Variants in PITPNM3 observed in about 807,000 individuals in gnomAD.
PITPNM3 encodes PITPNM family member 3.
Under a neutral mutation model 102.0 loss-of-function variants are expected in PITPNM3, and 26 were observed. That is an observed-to-expected ratio of 0.25 (90% CI 0.19 to 0.35). The LOEUF (loss-of-function observed/expected upper bound fraction) is 0.35, where lower values mean the gene tolerates loss of function less well. PITPNM3 is among the 10% of genes least tolerant of loss of function. PITPNM3 has a pLI of 1.00. For synonymous variants in PITPNM3, 578 were observed against 558.6 expected (o/e 1.03, Z -0.49); for missense variants, 1,083 against 1,346.1 (o/e 0.80, Z 3.06).
chr17:6,500,368 A>AT (rs1278898392), intron 4 of PITPNM3, among the ~76,000 whole-genome samples: 2 of 152,178 alleles, frequency 1.3e-5, no homozygotes, highest in Non-Finnish European at 2.9e-5. Flanking sequence ...CAGGTCACAG[A>AT]TTTTTTCTTC....
At position 6,477,955 on chromosome 17, in the gene PITPNM3, G is replaced by A; in HGVS notation, c.900+20C>T. ...CTCCTATGGGCATACCCCTCCCGCG[G>A]TCCTGTCCCCCGGCTGTACCTGGGT... On this transcript the variant is annotated intron_variant, in intron 8 of 19. Transcript: ENST00000262483. 6.2e-7 allele frequency: 1 copy of A among 1,610,698 alleles called. No individual in the cohort carries two copies. Among genetic ancestry groups the A allele is most frequent in the Non-Finnish European group, 8.5e-7 (1 of 1,179,958 alleles).
At chr17:6,512,035 G>C (rs1474725091) in intron 3 of PITPNM3, among the ~76,000 whole-genome samples, 1 of 152,168 alleles carries the variant, frequency 6.6e-6, no homozygotes, top group Non-Finnish European at 1.5e-5. Context: ...GAAAGCTCTT[G>C]TGATCGATTG....
rs898163860 is a variant in PITPNM3, at chr17:6,516,600, TGAA to T, written c.226+8753_226+8755del. On this transcript the variant is annotated intron_variant, in intron 3 of 19. Coordinates refer to ENST00000262483, the MANE Select transcript of PITPNM3 (RefSeq NM_031220.4). ...AAAAACAAAGAAAGAAAGAAATACT[TGAA>T]GAAATCATGAAAAGAAGGCTTCACA... Among the ~76,000 whole-genome samples, 169 of 149,360 alleles carry T rather than the reference TGAA, an allele frequency of 1.1e-3. 1 individual carries two copies. The highest frequency in any genetic ancestry group is 1.9e-3 in the Non-Finnish European group (130 of 67,536).
At chr17:6,552,607 G>T (rs1910371561) in intron 1 of PITPNM3, among the ~76,000 whole-genome samples, 1 of 152,042 alleles carries the variant, frequency 6.6e-6, no homozygotes, top group Admixed American at 6.6e-5. Context: ...CTCCAGCCAG[G>T]TTTCTTTACT....
At chr17:6,503,649 T>C (rs1907320559) in intron 3 of PITPNM3, 75 bp from the exon 4 acceptor site, 8 of 1,483,480 alleles carry the variant, frequency 5.4e-6, no homozygotes, top group Non-Finnish European at 7.4e-6. Flanking sequence ...GGGAGGCTGC[T>C]TGGAGCTGCC....
At chr17:6,500,314 C>T (rs543868245) in intron 4 of PITPNM3, among the ~76,000 whole-genome samples, 64 of 152,306 alleles carry the variant, frequency 4.2e-4, no homozygotes, top group African/African-American at 1.4e-3. Flanking sequence ...TGTGGAAAAG[C>T]GCCATTATAA....
chr17:6,489,795 G>A (rs1254331197), intron 4 of PITPNM3, among the ~76,000 whole-genome samples: 2 of 152,168 alleles, frequency 1.3e-5, no homozygotes, highest in African/African-American at 4.8e-5. Context: ...CACGAGGTCA[G>A]GAGTTCGAGA....
chr17:6,525,222 T>C lies in PITPNM3; in HGVS notation c.226+134A>G, dbSNP rs1450019203. On this transcript the variant is annotated intron_variant, in intron 3 of 19. Coordinates refer to ENST00000262483, the MANE Select transcript of PITPNM3 (RefSeq NM_031220.4). Reference sequence around the variant, plus strand: ...TCCTGTAAGTGGCAAAATTCAGGGATGCTATGAAGGAGGAACCAAGGCAGA... The same window carrying C: ...TCCTGTAAGTGGCAAAATTCAGGGACGCTATGAAGGAGGAACCAAGGCAGA... The C allele has an allele frequency of 3.7e-6, 3 of 808,152 alleles. No individual in the cohort carries two copies. The East Asian group carries it at 7.5e-5, about 20-fold the overall frequency. The allele number at this position is 808,152 out of a possible 1,614,324, so 50.1% of individuals were successfully genotyped here.
chr17:6,543,979 G>A (rs904143500), intron 1 of PITPNM3, among the ~76,000 whole-genome samples: 2 of 152,184 alleles, frequency 1.3e-5, no homozygotes, highest in African/African-American at 2.4e-5. Flanking sequence ...AAGGAGCATC[G>A]GGGCAAAGGA....
At chr17:6,504,744 G>A (rs1284227695) in intron 3 of PITPNM3, among the ~76,000 whole-genome samples, 3 of 152,204 alleles carry the variant, frequency 2.0e-5, no homozygotes, top group East Asian at 3.8e-4. Flanking sequence ...GGATTCAAAT[G>A]CCAGCTTCTT....
In PITPNM3 at chr17:6,452,324, GAT is replaced by G. The variant is rs1440359185; in HGVS notation, c.*3012_*3013del. 1 of 152,220 alleles carries G rather than the reference GAT, an allele frequency of 6.6e-6. No homozygotes were observed. Among genetic ancestry groups the G allele is most frequent in the Non-Finnish European group, 1.5e-5 (1 of 68,048 alleles). 9.4% of individuals were successfully genotyped at this position (152,220 alleles called of 1,614,324 possible). A position where few individuals can be genotyped will look rare whatever the true frequency, so the allele number is the denominator to read the frequency against. The stretch of plus-strand genomic sequence containing the variant: ...CACCCTGAACCCCAACAGGGCAAAT[GAT>G]AAAGGAAGGTGGCAGGCAGGCCCTC... On this transcript the variant is annotated 3_prime_UTR_variant, in exon 20 of 20. Transcript: ENST00000262483.
chr17:6,506,448 T>C (rs1336983934), intron 3 of PITPNM3, among the ~76,000 whole-genome samples: 1 of 151,798 alleles, frequency 6.6e-6, no homozygotes, highest in Non-Finnish European at 1.5e-5. Flanking sequence ...TTCGGCTCAC[T>C]GTAACCTCCG....
rs557830393 is a variant in PITPNM3, at chr17:6,516,887, A to G, written c.226+8469T>C. 6.6e-5 allele frequency among the ~76,000 whole-genome samples: 10 copies of G among 152,236 alleles called. No individual in the cohort carries two copies. The East Asian group carries it at 1.4e-3, about 21-fold the overall frequency. ...TCTATTAAAAAAAGAAAGAAAGAAAAAAAAATTTAAAAACGTAAATCTTCA... is the reference window on the plus strand; with the variant it reads ...TCTATTAAAAAAAGAAAGAAAGAAAGAAAAATTTAAAAACGTAAATCTTCA... On this transcript the variant is annotated intron_variant, in intron 3 of 19. Transcript: ENST00000262483.
Position 6,470,865 on chromosome 17 carries a change from G to C in PITPNM3, c.1624+296C>G, listed in dbSNP as rs1905034816. Among the ~76,000 whole-genome samples, 1 of 152,188 alleles carries C rather than the reference G, an allele frequency of 6.6e-6. No individual in the cohort carries two copies. Among genetic ancestry groups the C allele is most frequent in the South Asian group, 2.1e-4 (1 of 4,836 alleles). ...ATCAGGGGTCACTGCTCTCCTCAAGGTCAGAGCTCTGATTTGAGGCAGGGT... is the reference window on the plus strand; with the variant it reads ...ATCAGGGGTCACTGCTCTCCTCAAGCTCAGAGCTCTGATTTGAGGCAGGGT... On this transcript the variant is annotated intron_variant, in intron 12 of 19. Transcript: ENST00000262483. This position sits in a 1 kb window ranked among gnomAD's most constrained non-coding sequence, Gnocchi z 4.8.
chr17:6,552,815 G>A (rs1223360376), intron 1 of PITPNM3, among the ~76,000 whole-genome samples: 1 of 139,596 alleles, frequency 7.2e-6, no homozygotes, highest in East Asian at 2.1e-4. Context: ...AGCCCAGGCT[G>A]GAGTGCAACG....
At chr17:6,555,332 G>C (rs748926425) in intron 1 of PITPNM3, among the ~76,000 whole-genome samples, 5 of 152,124 alleles carry the variant, frequency 3.3e-5, no homozygotes, top group Non-Finnish European at 5.9e-5. Context: ...GGCAGCTTTC[G>C]GGCTTGGGGG....
rs543258157 is a variant in PITPNM3 at position 6,546,302 on chromosome 17, G to A, written c.23-8220C>T. ...TGGAAGGGCCTATCTGCCCGAGTACGCTGCATCTGAAGCCAACATCCTGGA... is the reference window on the plus strand; with the variant it reads ...TGGAAGGGCCTATCTGCCCGAGTACACTGCATCTGAAGCCAACATCCTGGA... On this transcript the variant is annotated intron_variant, in intron 1 of 19. Coordinates refer to ENST00000262483, the MANE Select transcript of PITPNM3 (RefSeq NM_031220.4). Among the ~76,000 whole-genome samples the A allele has an allele frequency of 1.7e-4, 26 of 152,334 alleles. 1 individual carries two copies. The South Asian group carries it at 4.3e-3, about 25-fold the overall frequency.
chr17:6,473,794 T>C (rs11655734), intron 10 of PITPNM3, among the ~76,000 whole-genome samples: 39,604 of 151,772 alleles, frequency 0.26, 6,150 homozygotes, highest in Middle Eastern at 0.41. Context: ...CTGGCCAACA[T>C]GGTGAAACTC....
chr17:6,547,922 T>C (rs893484216), intron 1 of PITPNM3, among the ~76,000 whole-genome samples: 10 of 151,808 alleles, frequency 6.6e-5, no homozygotes, highest in African/African-American at 2.4e-4. Context: ...GAGACGGGGT[T>C]TCTCCATGTT....
Sources: gnomAD v4.1 joint callset for allele counts (sites outside exome capture counted in the v4.1 genomes callset) on GRCh38, gnomAD v4.1.1 for gene constraint, Gnocchi (gnomAD v3.1) non-coding constraint, MANE v1.5 for transcripts, NCBI Gene and HGNC (gene_info 2026-07-23, HGNC 2026-07-21) for gene names.